FAM135B: variants seen among roughly 807,000 people sequenced by gnomAD.
The protein encoded by FAM135B is family with sequence similarity 135 member B, also known as protein FAM135B.
Under a neutral mutation model 127.7 loss-of-function variants are expected in FAM135B, and 43 were observed. That is an observed-to-expected ratio of 0.34 (90% CI 0.26 to 0.43). The LOEUF (loss-of-function observed/expected upper bound fraction) is 0.43. Ranked by LOEUF, FAM135B falls within the 20% of genes least tolerant of loss-of-function variation. The pLI is 1.00. For missense variants in FAM135B, 1,558 were observed against 1,725.6 expected (o/e 0.90, Z 1.72); for synonymous variants, 670 against 665.1 (o/e 1.01, Z -0.11).
intron 1 of FAM135B, among the ~76,000 whole-genome samples, chr8:138,466,114 G>A (rs1837367935): frequency 6.6e-6 from 1 of 152,170 alleles, no homozygotes; most frequent in South Asian, 2.1e-4. Flanking sequence ...GCTTTAGCCT[G>A]GACAGTATGT....
Position 138,349,764 on chromosome 8 carries a change from C to A in FAM135B, c.77+18143G>T, listed in dbSNP as rs575369308. Among the ~76,000 whole-genome samples the A allele has an allele frequency of 2.6e-5, 4 of 152,220 alleles. No individual in the cohort carries two copies. In the South Asian group the frequency reaches 8.3e-4, roughly 32 times the overall value. On this transcript the variant is annotated intron_variant, in intron 2 of 19. Transcript: ENST00000395297. ...TGGCTCATACAGGCCCACTTTTCTG[C>A]AGGCTGAGATGAGCAAAGCAGAGCC...
At chr8:138,196,461 G>A (rs57695218) in intron 8 of FAM135B, among the ~76,000 whole-genome samples, 1,735 of 152,276 alleles carry the variant, frequency 0.011, 33 homozygotes, top group African/African-American at 0.04. Context: ...TCTACATACC[G>A]GAGAGAGTGT....
chr8:138,187,874 A>G (rs947826801), intron 9 of FAM135B, among the ~76,000 whole-genome samples: 16 of 152,214 alleles, frequency 1.1e-4, no homozygotes, highest in African/African-American at 3.9e-4. Flanking sequence ...CTCTGGAGAA[A>G]GGAGAGGGGC....
intron 9 of FAM135B, among the ~76,000 whole-genome samples, chr8:138,184,805 G>A (rs1001241111): frequency 3.3e-5 from 5 of 152,124 alleles, no homozygotes; most frequent in Non-Finnish European, 5.9e-5. Context: ...CGCCATACAC[G>A]ATATCCCAGC....
intron 1 of FAM135B, among the ~76,000 whole-genome samples, chr8:138,399,726 C>A (rs542499062): frequency 1.3e-5 from 2 of 152,208 alleles, no homozygotes; most frequent in Non-Finnish European, 2.9e-5. Context: ...ATAGAATGAA[C>A]AATAGCCCCT....
Position 138,243,737 on chromosome 8 carries a change from T to C in FAM135B, c.543-669A>G, listed in dbSNP as rs200552256. Among the ~76,000 whole-genome samples the C allele has an allele frequency of 1.4e-4, 22 of 152,336 alleles. No homozygotes were observed. The East Asian group carries it at 4.0e-3, about 28-fold the overall frequency. ...GGAAAAGATGTGTGATTATTCAAAT[T>C]TATCATATTTGAGTTTATGATCATC... On this transcript the variant is annotated intron_variant, in intron 6 of 19. Coordinates refer to ENST00000395297, the MANE Select transcript of FAM135B (RefSeq NM_015912.4). This position sits in a 1 kb window ranked among gnomAD's most constrained non-coding sequence, Gnocchi z 7.5.
chr8:138,368,136 C>T (rs1186172945), intron 1 of FAM135B, 134 bp from the exon 2 acceptor site: 1 of 633,780 alleles, frequency 1.6e-6, no homozygotes, highest in Non-Finnish European at 2.8e-6. Context: ...CGTCACCACT[C>T]AGGGTTCCTT....
chr8:138,340,460 CT>C, intron 2 of FAM135B, among the ~76,000 whole-genome samples: 1 of 152,200 alleles, frequency 6.6e-6, no homozygotes, highest in East Asian at 1.9e-4. Context: ...TGCTGTCATC[CT>C]TATTATCATC....
chr8:138,382,091 C>A (rs886599957), intron 1 of FAM135B, among the ~76,000 whole-genome samples: 3 of 152,150 alleles, frequency 2.0e-5, no homozygotes, highest in African/African-American at 7.2e-5. Context: ...TTCACAAGTG[C>A]AGCCATGACT....
At chr8:138,384,024 T>C (rs1832032052) in intron 1 of FAM135B, among the ~76,000 whole-genome samples, 1 of 152,224 alleles carries the variant, frequency 6.6e-6, no homozygotes, top group Admixed American at 6.5e-5. Context: ...ATGTCCATCT[T>C]CATTGTCTAT....
chr8:138,287,894 A>T (rs898291707), intron 3 of FAM135B, among the ~76,000 whole-genome samples: 7 of 152,222 alleles, frequency 4.6e-5, no homozygotes, highest in Non-Finnish European at 7.3e-5. Flanking sequence ...TGCAGATAAT[A>T]CATACCAACA....
intron 2 of FAM135B, among the ~76,000 whole-genome samples, chr8:138,313,129 T>G (rs1222970393): frequency 1.3e-5 from 2 of 152,112 alleles, no homozygotes; most frequent in African/African-American, 4.8e-5. Context: ...AGTTTTAAAA[T>G]TATTCATTTT....
At chr8:138,403,230 G>C (rs1318935012) in intron 1 of FAM135B, among the ~76,000 whole-genome samples, 1 of 152,062 alleles carries the variant, frequency 6.6e-6, no homozygotes, top group African/African-American at 2.4e-5. Context: ...TTCCTTTCCA[G>C]AGGCAAACCC....
intron 1 of FAM135B, among the ~76,000 whole-genome samples, chr8:138,390,524 G>A (rs1304302480): frequency 6.6e-6 from 1 of 152,002 alleles, no homozygotes; most frequent in Non-Finnish European, 1.5e-5. Context: ...ATCTTTATCA[G>A]CACCATGAAA....
intron 2 of FAM135B, among the ~76,000 whole-genome samples, chr8:138,334,429 G>A (rs907499581): frequency 1.4e-4 from 22 of 152,116 alleles, no homozygotes; most frequent in African/African-American, 4.3e-4. Flanking sequence ...TACATGTGCA[G>A]GTTTGTTACA....
At chr8:138,266,984 A>G (rs2130644946) in intron 3 of FAM135B, among the ~76,000 whole-genome samples, 1 of 152,300 alleles carries the variant, frequency 6.6e-6, no homozygotes, top group Admixed American at 6.5e-5. Flanking sequence ...TAACAAACCC[A>G]TAAGGTAAAT....
intron 12 of FAM135B, among the ~76,000 whole-genome samples, chr8:138,164,099 A>G (rs149506202): frequency 6.6e-6 from 1 of 152,240 alleles, no homozygotes; most frequent in Admixed American, 6.5e-5. Context: ...GCAAGGCGTA[A>G]GTATTAAGGT....
At chr8:138,189,814 G>A (rs941923709) in intron 9 of FAM135B, among the ~76,000 whole-genome samples, 2 of 152,280 alleles carry the variant, frequency 1.3e-5, no homozygotes, top group Middle Eastern at 3.4e-3. Context: ...GCTTCAATAC[G>A]GTACCTGTAT....
At chr8:138,347,651 T>C (rs187895153) in intron 2 of FAM135B, among the ~76,000 whole-genome samples, 7 of 152,248 alleles carry the variant, frequency 4.6e-5, no homozygotes, top group Admixed American at 4.6e-4. Context: ...GTTGCAGTCG[T>C]CAGTCACCTA....
Sources: allele counts gnomAD v4.1 joint callset (sites outside exome capture counted in the v4.1 genomes callset), GRCh38; gene constraint gnomAD v4.1.1; non-coding constraint Gnocchi (gnomAD v3.1); transcripts MANE v1.5; gene names NCBI Gene and HGNC (gene_info 2026-07-23, HGNC 2026-07-21).